TRPM3: variants seen among roughly 807,000 people sequenced by gnomAD.
The protein encoded by TRPM3 is long transient receptor potential channel 3.
A neutral mutation model predicts 181.2 loss-of-function variants in TRPM3; 77 were observed. The ratio of observed to expected loss-of-function variants is 0.42; its 90% CI spans 0.35 to 0.51. The LOEUF (loss-of-function observed/expected upper bound fraction) is 0.51, where lower values mean the gene tolerates loss of function less well. Ranked by LOEUF, TRPM3 falls within the 20% of genes least tolerant of loss-of-function variation. The pLI is 0.01. For synonymous variants in TRPM3, 745 were observed against 796.4 expected, an observed-to-expected ratio of 0.94 and a Z score of 1.09; for missense variants, 1,759 against 2,196.7, an observed-to-expected ratio of 0.80 and a Z score of 3.98.
intron 1 of TRPM3, among the ~76,000 whole-genome samples, chr9:71,248,116 T>G (rs984342256): frequency 1.1e-4 from 17 of 152,206 alleles, no homozygotes; most frequent in Non-Finnish European, 2.4e-4. Context: ...CCTCCAATAA[T>G]TGGAAACGTA....
intron 1 of TRPM3, among the ~76,000 whole-genome samples, chr9:71,223,307 C>T (rs1250546326): frequency 6.6e-6 from 1 of 152,178 alleles, no homozygotes; most frequent in African/African-American, 2.4e-5. Flanking sequence ...CATCCTCAGC[C>T]AGAACCCACT....
At chr9:71,263,131 T>G (rs994882686) in intron 1 of TRPM3, among the ~76,000 whole-genome samples, 1 of 151,034 alleles carries the variant, frequency 6.6e-6, no homozygotes, top group African/African-American at 2.4e-5. Flanking sequence ...ATTTTTAAGT[T>G]TTTTGTCTTT....
chr9:71,151,205 C>T (rs1199738441), intron 1 of TRPM3, among the ~76,000 whole-genome samples: 1 of 152,010 alleles, frequency 6.6e-6, no homozygotes, highest in Admixed American at 6.6e-5. Flanking sequence ...CACTAAAACG[C>T]CCTAAGATAA....
At chr9:70,649,191 A>AATTT (rs2059295399) in intron 9 of TRPM3, among the ~76,000 whole-genome samples, 1 of 114,294 alleles carries the variant, frequency 8.7e-6, no homozygotes, top group African/African-American at 3.9e-5. Context: ...ATGAACAGAC[A>AATTT]CTTTTTTTTT....
At chr9:71,073,571 C>T (rs982540117) in intron 1 of TRPM3, among the ~76,000 whole-genome samples, 2 of 152,050 alleles carry the variant, frequency 1.3e-5, no homozygotes, top group African/African-American at 4.8e-5. Context: ...TCCAAAATGC[C>T]CATTGATATT....
At chr9:71,232,075 T>C (rs2081086145) in intron 1 of TRPM3, among the ~76,000 whole-genome samples, 2 of 152,224 alleles carry the variant, frequency 1.3e-5, no homozygotes. Flanking sequence ...AGTTATAAAC[T>C]ACCATCTTTT....
At position 71,265,764 on chromosome 9, in the gene TRPM3, T is replaced by G. The variant is rs893847109; in HGVS notation, c.183+180889A>C. On this transcript the variant is annotated intron_variant, in intron 1 of 24. Transcript: ENST00000357533. Reference sequence around the variant, plus strand: ...GCAATATCTATTGTATGTTTACATTTTCCTTTCTAATATCCAGCCATTAGC... The same window carrying G: ...GCAATATCTATTGTATGTTTACATTGTCCTTTCTAATATCCAGCCATTAGC... 6.1e-4 allele frequency among the ~76,000 whole-genome samples: 93 copies of G among 152,232 alleles called. 1 individual carries two copies. Among genetic ancestry groups the G allele is most frequent in the Admixed American group, 6.1e-3 (93 of 15,284 alleles).
intron 1 of TRPM3, among the ~76,000 whole-genome samples, chr9:71,186,672 T>G (rs1381926486): frequency 6.6e-6 from 1 of 152,110 alleles, no homozygotes; most frequent in Non-Finnish European, 1.5e-5. Context: ...GTGAGATTAC[T>G]AATTAGAAAT....
intron 1 of TRPM3, among the ~76,000 whole-genome samples, chr9:71,230,457 A>G (rs2080979771): frequency 6.6e-6 from 1 of 152,152 alleles, no homozygotes; most frequent in Non-Finnish European, 1.5e-5. Flanking sequence ...AAAAATAACT[A>G]AAATAATATA....
At chr9:71,198,221 A>T (rs1195265794) in intron 1 of TRPM3, among the ~76,000 whole-genome samples, 2 of 152,058 alleles carry the variant, frequency 1.3e-5, no homozygotes, top group Non-Finnish European at 2.9e-5. Context: ...GTTCTGTTCC[A>T]TTGATCAATA....
At chr9:71,429,763 C>G (rs146745307) in intron 1 of TRPM3, among the ~76,000 whole-genome samples, 1 of 152,134 alleles carries the variant, frequency 6.6e-6, no homozygotes, top group South Asian at 2.1e-4. Flanking sequence ...CATTTGTGCA[C>G]ATAGGTTTGG....
chr9:71,208,113 G>A (rs1310979622), intron 1 of TRPM3, among the ~76,000 whole-genome samples: 4 of 152,118 alleles, frequency 2.6e-5, no homozygotes. Flanking sequence ...AAAGAGAACT[G>A]GAAAAGAAGA....
chr9:71,413,196 T>C (rs1373877580), intron 1 of TRPM3, among the ~76,000 whole-genome samples: 1 of 152,146 alleles, frequency 6.6e-6, no homozygotes, highest in African/African-American at 2.4e-5. Flanking sequence ...TGTATACATA[T>C]GTAACAAACC....
At chr9:71,303,815 G>T (rs563623809) in intron 1 of TRPM3, among the ~76,000 whole-genome samples, 2 of 152,036 alleles carry the variant, frequency 1.3e-5, no homozygotes, top group East Asian at 3.9e-4. Context: ...GTTTTTAATA[G>T]AAATACTTAG....
chr9:70,809,692 T>C (rs936000591), intron 6 of TRPM3, among the ~76,000 whole-genome samples: 1 of 152,222 alleles, frequency 6.6e-6, no homozygotes, highest in Non-Finnish European at 1.5e-5. Flanking sequence ...TCTGAGGATA[T>C]AGTAACCCCA....
intron 1 of TRPM3, among the ~76,000 whole-genome samples, chr9:71,104,951 A>T (rs1591447304): frequency 6.6e-6 from 1 of 152,362 alleles, no homozygotes; most frequent in East Asian, 1.9e-4. Context: ...GGTCAAACAT[A>T]TACCTACTCT....
At chr9:70,663,296 G>A (rs993891753) in intron 9 of TRPM3, among the ~76,000 whole-genome samples, 3 of 152,124 alleles carry the variant, frequency 2.0e-5, no homozygotes, top group African/African-American at 7.2e-5. Flanking sequence ...AGTGTATACT[G>A]CTCAGGTGAC....
chr9:70,996,941 A>C (rs936339252), intron 1 of TRPM3, among the ~76,000 whole-genome samples: 13 of 152,218 alleles, frequency 8.5e-5, no homozygotes, highest in Non-Finnish European at 1.6e-4. Context: ...ACTTCTAAAC[A>C]AACATGAATA....
chr9:70,803,452 T>TG (rs2089822145), intron 6 of TRPM3, among the ~76,000 whole-genome samples: 1 of 28,480 alleles, frequency 3.5e-5, no homozygotes, highest in Non-Finnish European at 6.8e-5. Flanking sequence ...GTTTTTGTTG[T>TG]TTTTTTTTTT....
Sources: allele counts gnomAD v4.1 joint callset (sites outside exome capture counted in the v4.1 genomes callset), GRCh38; gene constraint gnomAD v4.1.1; transcripts MANE v1.5; gene names NCBI Gene and HGNC (gene_info 2026-07-23, HGNC 2026-07-21).